FANCC: variants seen among roughly 807,000 people sequenced by gnomAD.
The protein encoded by FANCC is FA complementation group C.
Under a neutral mutation model 71.3 loss-of-function variants are expected in FANCC, and 55 were observed. The observed-to-expected ratio is 0.77, with a 90% CI of 0.62 to 0.97. FANCC has a LOEUF of 0.97. Ranked by LOEUF, FANCC falls within the 50% of genes least tolerant of loss-of-function variation. The probability of loss-of-function intolerance (pLI) is 0.00; values close to 1 mark genes in which losing one functional copy is unlikely to be tolerated. For missense variants in FANCC, 678 were observed against 670.9 expected (o/e 1.01, Z -0.12); for synonymous variants, 275 against 244.9 (o/e 1.12, Z -1.15).
chr9:95,282,070 T>A (rs1833412866), intron 1 of FANCC, among the ~76,000 whole-genome samples: 1 of 151,972 alleles, frequency 6.6e-6, no homozygotes, highest in African/African-American at 2.4e-5. Flanking sequence ...ACTTTGAATG[T>A]AAATGGATTA....
chr9:95,107,659 G>A (rs2071559556), intron 13 of FANCC: 3 of 381,364 alleles, frequency 7.9e-6, no homozygotes, highest in South Asian at 2.5e-5. Flanking sequence ...TCAGACCTCC[G>A]CCGAGCCAGT....
intron 6 of FANCC, among the ~76,000 whole-genome samples, chr9:95,154,263 A>C (rs921886067): frequency 5.3e-5 from 8 of 151,262 alleles, no homozygotes; most frequent in African/African-American, 1.9e-4. Context: ...AAAAAAAAAA[A>C]AAAAAAAATT....
chr9:95,307,112 C>T (rs983640396), intron 1 of FANCC, among the ~76,000 whole-genome samples: 9 of 152,108 alleles, frequency 5.9e-5, no homozygotes, highest in African/African-American at 1.7e-4. Context: ...CCTGAACTTA[C>T]GGGCTCAAGT....
intron 8 of FANCC, among the ~76,000 whole-genome samples, chr9:95,130,939 CTT>C (rs1826812519): frequency 6.6e-6 from 1 of 152,152 alleles, no homozygotes; most frequent in Non-Finnish European, 1.5e-5. Flanking sequence ...CCATTTGCTT[CTT>C]TTCTATTTTC....
intron 4 of FANCC, among the ~76,000 whole-genome samples, chr9:95,190,768 T>A (rs1368146994): frequency 6.6e-6 from 1 of 152,242 alleles, no homozygotes; most frequent in Non-Finnish European, 1.5e-5. Flanking sequence ...TCATCTAGTC[T>A]AACTTAGCTG....
chr9:95,300,751 A>G (rs1229305532), intron 1 of FANCC, among the ~76,000 whole-genome samples: 1 of 152,158 alleles, frequency 6.6e-6, no homozygotes, highest in African/African-American at 2.4e-5. Flanking sequence ...GGTACTTGTT[A>G]CACCAAATAT....
At chr9:95,207,682 GAC>G (rs1828219409) in intron 4 of FANCC, among the ~76,000 whole-genome samples, 1 of 152,054 alleles carries the variant, frequency 6.6e-6, no homozygotes, top group Admixed American at 6.5e-5. Flanking sequence ...CCTTCTCATT[GAC>G]AGTGTTACAA....
chr9:95,262,594 C>T (rs1230405107), intron 1 of FANCC, among the ~76,000 whole-genome samples: 1 of 152,136 alleles, frequency 6.6e-6, no homozygotes, highest in Non-Finnish European at 1.5e-5. Flanking sequence ...CATAGAATTA[C>T]CATTGATCCA....
At chr9:95,283,942 G>A (rs540034811) in intron 1 of FANCC, among the ~76,000 whole-genome samples, 1 of 152,276 alleles carries the variant, frequency 6.6e-6, no homozygotes, top group East Asian at 1.9e-4. Context: ...CTATGCCTCC[G>A]TTTCTGTATC....
intron 1 of FANCC, among the ~76,000 whole-genome samples, chr9:95,252,565 C>T (rs1156573300): frequency 1.6e-4 from 25 of 151,558 alleles, no homozygotes; most frequent in African/African-American, 6.0e-4. Context: ...GCTAACACAG[C>T]GAAACCCCAT....
chr9:95,110,630 A>C (rs1261679895), intron 13 of FANCC: 1 of 1,042,740 alleles, frequency 9.6e-7, no homozygotes, highest in Non-Finnish European at 1.2e-6. Flanking sequence ...CAAAATACGC[A>C]GACATCTTTA....
At chr9:95,270,548 A>C (rs1038689020) in intron 1 of FANCC, among the ~76,000 whole-genome samples, 1 of 152,254 alleles carries the variant, frequency 6.6e-6, no homozygotes, top group Non-Finnish European at 1.5e-5. Context: ...GCTGTGCTAA[A>C]TGTGCAGTTC....
intron 4 of FANCC, among the ~76,000 whole-genome samples, chr9:95,214,240 A>AAC (rs1159686423): frequency 3.9e-5 from 6 of 152,134 alleles, no homozygotes; most frequent in Non-Finnish European, 7.4e-5. Context: ...CAGCCTGGGG[A>AAC]ACAAAGCAAG....
At chr9:95,131,779 A>C (rs897128188) in intron 8 of FANCC, among the ~76,000 whole-genome samples, 3 of 152,202 alleles carry the variant, frequency 2.0e-5, no homozygotes, top group Non-Finnish European at 4.4e-5. Flanking sequence ...AATATCACCC[A>C]GGATGTAGAG....
intron 4 of FANCC, among the ~76,000 whole-genome samples, chr9:95,208,918 T>A (rs1161703573): frequency 1.3e-5 from 2 of 152,130 alleles, no homozygotes; most frequent in Non-Finnish European, 2.9e-5. Flanking sequence ...AAAACTTGTG[T>A]CCCCACAAAC....
chr9:95,154,406 G>C (rs1306195967), intron 6 of FANCC, among the ~76,000 whole-genome samples: 1 of 152,106 alleles, frequency 6.6e-6, no homozygotes, highest in Non-Finnish European at 1.5e-5. Context: ...TTACAGGTTA[G>C]GGAGACAAAC....
chr9:95,165,998 T>C (rs1216053338), intron 6 of FANCC, among the ~76,000 whole-genome samples: 1 of 152,072 alleles, frequency 6.6e-6, no homozygotes, highest in East Asian at 1.9e-4. Context: ...CTCCCTGAAT[T>C]GACACTCTTA....
intron 4 of FANCC, among the ~76,000 whole-genome samples, chr9:95,179,567 G>A (rs183055759): frequency 1.8e-4 from 27 of 152,188 alleles, no homozygotes; most frequent in African/African-American, 5.8e-4. Flanking sequence ...GGCTGGTCTC[G>A]AACTCCTGGC....
intron 4 of FANCC, among the ~76,000 whole-genome samples, chr9:95,174,075 C>A (rs1825858174): frequency 6.6e-6 from 1 of 152,140 alleles, no homozygotes. Context: ...GTCTGTGCTG[C>A]TATGGCAAAG....
Sources: gnomAD v4.1 joint callset for allele counts (sites outside exome capture counted in the v4.1 genomes callset) on GRCh38, gnomAD v4.1.1 for gene constraint, MANE v1.5 for transcripts, NCBI Gene and HGNC (gene_info 2026-07-23, HGNC 2026-07-21) for gene names.